The following PDE3A variants were observed in gnomAD, a reference collection of about 807,000 sequenced individuals.
PDE3A encodes the protein cGMP-inhibited 3',5'-cyclic phosphodiesterase 3A.
In PDE3A, 43 loss-of-function variants were observed where a neutral mutation model predicts 98.3. The ratio of observed to expected loss-of-function variants is 0.44; its 90% confidence interval spans 0.34 to 0.56. The LOEUF is 0.56. Among genes scored for constraint, PDE3A ranks in the 20% least tolerant of loss-of-function variants. The pLI, the probability that PDE3A is intolerant of heterozygous loss-of-function variation, is 0.01. For synonymous variants in PDE3A, 663 were observed against 567.9 expected (o/e 1.17, Z -2.38); for missense variants, 1,427 against 1,440.7 (o/e 0.99, Z 0.15).
intron 1 of PDE3A, among the ~76,000 whole-genome samples, chr12:20,403,043 C>T (rs771375695): frequency 2.0e-5 from 3 of 152,094 alleles, no homozygotes; most frequent in Non-Finnish European, 4.4e-5. Flanking sequence ...TTTTCTTTCT[C>T]CTTAAGGAAT....
intron 1 of PDE3A, among the ~76,000 whole-genome samples, chr12:20,483,054 T>A (rs1945659245): frequency 6.6e-6 from 1 of 152,124 alleles, no homozygotes; most frequent in Non-Finnish European, 1.5e-5. Flanking sequence ...CAGACAACAT[T>A]ACTAAGGAGA....
At chr12:20,676,372 T>G (rs547247306) in intron 15 of PDE3A, among the ~76,000 whole-genome samples, 15 of 152,254 alleles carry the variant, frequency 9.9e-5, no homozygotes, top group Admixed American at 4.6e-4. Context: ...GTGACTTGAA[T>G]ATATTATCCC....
chr12:20,403,773 C>G (rs1472521654), intron 1 of PDE3A, among the ~76,000 whole-genome samples: 2 of 152,002 alleles, frequency 1.3e-5, no homozygotes, highest in African/African-American at 4.8e-5. Flanking sequence ...CAAATAAAAA[C>G]AAACAAAATG....
intron 6 of PDE3A, among the ~76,000 whole-genome samples, chr12:20,631,704 T>G (rs1413955715): frequency 5.3e-5 from 8 of 151,208 alleles, no homozygotes; most frequent in East Asian, 3.9e-4. Flanking sequence ...TAGTGTATTT[T>G]TTTTTTTTTT....
At chr12:20,463,078 A>G (rs1212362808) in intron 1 of PDE3A, among the ~76,000 whole-genome samples, 1 of 152,132 alleles carries the variant, frequency 6.6e-6, no homozygotes. Flanking sequence ...TGGCAAATCT[A>G]TACTCTTGAT....
intron 2 of PDE3A, among the ~76,000 whole-genome samples, chr12:20,561,540 C>T (rs549838318): frequency 6.6e-6 from 1 of 152,096 alleles, no homozygotes; most frequent in African/African-American, 2.4e-5. Context: ...CTTTGATTCG[C>T]AAAACATGGA....
chr12:20,391,995 A>T (rs535031685), intron 1 of PDE3A, among the ~76,000 whole-genome samples: 23 of 151,906 alleles, frequency 1.5e-4, no homozygotes, highest in Non-Finnish European at 3.1e-4. Flanking sequence ...GGGACGTGTA[A>T]TTTTGTCGTA....
chr12:20,373,584 T>TTTTCAAAATC lies in PDE3A; in HGVS notation c.960+3343_960+3344insCAAAATCTTT, dbSNP rs1162569184. Among the ~76,000 whole-genome samples, 10 of 152,138 alleles carry TTTTCAAAATC rather than the reference T, an allele frequency of 6.6e-5. 1 individual carries two copies. The highest frequency in any genetic ancestry group is 5.9e-4 in the Admixed American group (9 of 15,262). On this transcript the variant is annotated intron_variant, in intron 1 of 15. Transcript: ENST00000359062. Reference sequence around the variant, plus strand: ...TACTGAGACCACCTTACACATTCACTTTTGAAAGATTTCAAACCAATGCAA... The same window carrying TTTTCAAAATC: ...TACTGAGACCACCTTACACATTCACTTTTCAAAATCTTTGAAAGATTTCAAACCAATGCAA...
chr12:20,540,400 CT>C (rs1941862345), intron 1 of PDE3A, among the ~76,000 whole-genome samples: 1 of 152,012 alleles, frequency 6.6e-6, no homozygotes, highest in African/African-American at 2.4e-5. Context: ...TAGCTATGCC[CT>C]TGAAGTTGTT....
At chr12:20,383,828 A>C (rs1216524610) in intron 1 of PDE3A, among the ~76,000 whole-genome samples, 2 of 152,014 alleles carry the variant, frequency 1.3e-5, no homozygotes, top group African/African-American at 4.8e-5. Flanking sequence ...TCTGAGGCAG[A>C]TGGGATACCA....
At position 20,533,271 on chromosome 12, in the gene PDE3A, T is replaced by C. The variant is rs542920774; in HGVS notation, c.961-23389T>C. On this transcript the variant is annotated intron_variant, in intron 1 of 15. Coordinates refer to ENST00000359062, the MANE Select transcript of PDE3A (RefSeq NM_000921.5). ...GCAGTATTTTCCTTTTTTCATGGCT[T>C]CCCTTATTCAACTTCTTTAAGTAAG... 3.3e-5 allele frequency among the ~76,000 whole-genome samples: 5 copies of C among 152,162 alleles called. No individual in the cohort carries two copies. The South Asian group carries it at 8.3e-4, about 25-fold the overall frequency.
intron 15 of PDE3A, among the ~76,000 whole-genome samples, chr12:20,659,616 C>A (rs1945114622): frequency 1.3e-5 from 2 of 151,972 alleles, no homozygotes; most frequent in East Asian, 1.9e-4. Context: ...TTATTTATTT[C>A]TGTAGAAACA....
intron 15 of PDE3A, among the ~76,000 whole-genome samples, chr12:20,675,205 A>C (rs762069762): frequency 1.3e-5 from 2 of 151,852 alleles, no homozygotes; most frequent in South Asian, 2.1e-4. Context: ...TTTAATTTTC[A>C]TGTATTTATA....
intron 1 of PDE3A, chr12:20,371,431 A>G: frequency 1.0e-6 from 1 of 982,566 alleles, no homozygotes; most frequent in Non-Finnish European, 1.2e-6. Context: ...TACCTGTGGT[A>G]CTATTAGGAC....
At chr12:20,386,953 G>C (rs902812209) in intron 1 of PDE3A, among the ~76,000 whole-genome samples, 7 of 150,960 alleles carry the variant, frequency 4.6e-5, no homozygotes, top group African/African-American at 1.7e-4. Context: ...TTTTGTATAA[G>C]TTATAAGAAA....
chr12:20,415,470 A>C (rs1944407635), intron 1 of PDE3A, among the ~76,000 whole-genome samples: 2 of 151,548 alleles, frequency 1.3e-5, no homozygotes, highest in African/African-American at 4.8e-5. Context: ...CCCAGACCGG[A>C]GTGCAGTGGC....
chr12:20,569,472 G>T (rs867765797), intron 2 of PDE3A, among the ~76,000 whole-genome samples: 1 of 152,016 alleles, frequency 6.6e-6, no homozygotes, highest in Non-Finnish European at 1.5e-5. Flanking sequence ...TGTCCTGTTC[G>T]CAGCAGAATA....
intron 15 of PDE3A, among the ~76,000 whole-genome samples, chr12:20,673,708 G>T (rs1945553989): frequency 8.4e-6 from 1 of 118,894 alleles, no homozygotes; most frequent in South Asian, 3.4e-4. Context: ...TGGGGTGGGG[G>T]GAGGGGGGAG....
intron 2 of PDE3A, among the ~76,000 whole-genome samples, chr12:20,573,807 G>C (rs1942862175): frequency 6.6e-6 from 1 of 151,986 alleles, no homozygotes; most frequent in Non-Finnish European, 1.5e-5. Flanking sequence ...TATTGTGATA[G>C]AGATTATAAA....
Sources: allele counts gnomAD v4.1 joint callset (sites outside exome capture counted in the v4.1 genomes callset), GRCh38; gene constraint gnomAD v4.1.1; transcripts MANE v1.5; gene names NCBI Gene and HGNC (gene_info 2026-07-23, HGNC 2026-07-21).